SHISA9: variants seen among roughly 807,000 people sequenced by gnomAD.
The protein encoded by SHISA9 is shisa family member 9.
A neutral mutation model predicts 38.0 loss-of-function variants in SHISA9; 13 were observed. That is an observed-to-expected ratio of 0.34 (90% confidence interval 0.22 to 0.54). SHISA9 has a LOEUF of 0.54. SHISA9 is among the 20% of genes least tolerant of loss of function. The probability of loss-of-function intolerance (pLI) is 0.91; values close to 1 mark genes in which losing one functional copy is unlikely to be tolerated. For synonymous variants in SHISA9, 275 were observed against 242.0 expected (o/e 1.14, Z -1.27); for missense variants, 538 against 575.8 (o/e 0.93, Z 0.67).
chr16:13,323,340 T>G, the SHISA9 span, among the ~76,000 whole-genome samples: 6 of 152,198 alleles, frequency 3.9e-5, no homozygotes, highest in African/African-American at 1.2e-4. Context: ...AGTCAACAGA[T>G]GCATTTTATC....
At chr16:13,544,564 G>T in the SHISA9 span, among the ~76,000 whole-genome samples, 1 of 151,766 alleles carries the variant, frequency 6.6e-6, no homozygotes, top group Admixed American at 6.6e-5. Flanking sequence ...TCCTGGCTGG[G>T]ATTTCCCTCA....
the SHISA9 span, among the ~76,000 whole-genome samples, chr16:13,445,152 G>A: frequency 3.3e-5 from 5 of 151,518 alleles, no homozygotes. Context: ...GTGAGCCACT[G>A]CACTCAGCCT....
intron 2 of SHISA9, among the ~76,000 whole-genome samples, chr16:12,967,207 C>T (rs1054466151): frequency 3.3e-5 from 5 of 151,734 alleles, no homozygotes; most frequent in South Asian, 2.1e-4. Flanking sequence ...GGCACATATA[C>T]GCCATGGAAT....
At chr16:12,903,697 G>A (rs1278770224) in intron 1 of SHISA9, among the ~76,000 whole-genome samples, 1 of 152,038 alleles carries the variant, frequency 6.6e-6, no homozygotes, top group Admixed American at 6.5e-5. Flanking sequence ...GATGGTTGGG[G>A]CATAAGCTTT....
At chr16:13,475,756 T>C in the SHISA9 span, among the ~76,000 whole-genome samples, 3 of 152,224 alleles carry the variant, frequency 2.0e-5, no homozygotes, top group African/African-American at 7.2e-5. Context: ...GTGAGAGTCC[T>C]GACCTTGTTT....
the SHISA9 span, among the ~76,000 whole-genome samples, chr16:13,367,699 C>CGT: frequency 2.3e-3 from 130 of 55,536 alleles, 3 homozygotes; most frequent in African/African-American, 7.8e-3. Context: ...CGTGTGCGTG[C>CGT]GCGCGCGCGC....
chr16:13,225,462 A>G (rs2051269858), intron 4 of SHISA9, among the ~76,000 whole-genome samples: 2 of 152,164 alleles, frequency 1.3e-5, no homozygotes, highest in Non-Finnish European at 2.9e-5. Flanking sequence ...CACTGCAAAG[A>G]ATTTGGATTT....
intron 1 of SHISA9, among the ~76,000 whole-genome samples, chr16:12,915,540 C>T (rs1159537089): frequency 6.6e-6 from 1 of 152,170 alleles, no homozygotes; most frequent in Non-Finnish European, 1.5e-5. Flanking sequence ...ACAAATGGGG[C>T]TGATAGTCTG....
At chr16:13,505,518 T>C in the SHISA9 span, among the ~76,000 whole-genome samples, 3 of 152,222 alleles carry the variant, frequency 2.0e-5, no homozygotes, top group Admixed American at 6.5e-5. Flanking sequence ...GATTTTCAAG[T>C]GTATTGGTGA....
chr16:13,283,190 A>G, the SHISA9 span, among the ~76,000 whole-genome samples: 4 of 152,140 alleles, frequency 2.6e-5, no homozygotes, highest in Non-Finnish European at 5.9e-5. Context: ...AACTTTGTGC[A>G]ACTTTGGCTT....
At chr16:13,161,074 G>T (rs2050591213) in intron 2 of SHISA9, among the ~76,000 whole-genome samples, 1 of 152,192 alleles carries the variant, frequency 6.6e-6, no homozygotes, top group African/African-American at 2.4e-5. Flanking sequence ...TAGAACCAAA[G>T]ACTTATGTAT....
Position 12,970,568 on chromosome 16 carries a change from T to TGCAATCTCAGCTCACTGCAAC in SHISA9, c.691+53754_691+53755insCAATCTCAGCTCACTGCAACG, listed in dbSNP as rs1423699613. ...CTCTGTTGCCCAGGCTGGACTGCAA[T>TGCAATCTCAGCTCACTGCAAC]GGTGCAATCTCAGCTCACTGCAACC... On this transcript the variant is annotated intron_variant, in intron 2 of 4. Coordinates refer to ENST00000558583, the MANE Select transcript of SHISA9 (RefSeq NM_001145204.3). 1.1e-4 allele frequency among the ~76,000 whole-genome samples: 14 copies of TGCAATCTCAGCTCACTGCAAC among 123,998 alleles called. No individual in the cohort carries two copies. The East Asian group carries it at 2.8e-3, about 25-fold the overall frequency. 81.3% of individuals were successfully genotyped at this position (123,998 alleles called of 152,430 possible).
At chr16:12,956,213 T>TAA (rs34560193) in intron 2 of SHISA9, among the ~76,000 whole-genome samples, 1 of 151,634 alleles carries the variant, frequency 6.6e-6, no homozygotes, top group Non-Finnish European at 1.5e-5. Flanking sequence ...TGGCTATTAC[T>TAA]AAAAATCAGA....
chr16:12,910,855 TTC>T, intron 1 of SHISA9: 1 of 497,882 alleles, frequency 2.0e-6, no homozygotes, highest in Non-Finnish European at 2.6e-6. Flanking sequence ...GGCAGGAGAA[TTC>T]TCTCTTTTTG....
intron 2 of SHISA9, among the ~76,000 whole-genome samples, chr16:13,144,466 A>G (rs2050429801): frequency 6.6e-6 from 1 of 151,956 alleles, no homozygotes; most frequent in Non-Finnish European, 1.5e-5. Flanking sequence ...TAGTTCTTGA[A>G]CATCACCTAT....
intron 2 of SHISA9, among the ~76,000 whole-genome samples, chr16:13,046,012 C>A (rs1488466318): frequency 2.6e-5 from 4 of 152,196 alleles, no homozygotes; most frequent in Admixed American, 6.5e-5. Flanking sequence ...CTCCAAATAA[C>A]CATCAAAGCC....
chr16:13,261,752 T>A, the SHISA9 span, among the ~76,000 whole-genome samples: 1 of 152,216 alleles, frequency 6.6e-6, no homozygotes, highest in African/African-American at 2.4e-5. Context: ...ATAAACACTT[T>A]CTGTGACCTG....
chr16:13,513,120 T>A, the SHISA9 span, among the ~76,000 whole-genome samples: 8 of 152,186 alleles, frequency 5.3e-5, no homozygotes, highest in South Asian at 1.7e-3. Context: ...CTGACAAAGA[T>A]CTAATATCCA....
chr16:13,187,694 G>C (rs983570560), intron 2 of SHISA9, among the ~76,000 whole-genome samples: 7 of 152,106 alleles, frequency 4.6e-5, no homozygotes, highest in African/African-American at 1.7e-4. Flanking sequence ...GACCTTTGCT[G>C]TGAATTTCAT....
Sources: allele counts gnomAD v4.1 joint callset (sites outside exome capture counted in the v4.1 genomes callset), GRCh38; gene constraint gnomAD v4.1.1; transcripts MANE v1.5; gene names NCBI Gene and HGNC (gene_info 2026-07-23, HGNC 2026-07-21).